The following NUMB variants were observed in gnomAD, a reference collection of about 807,000 sequenced individuals.
NUMB encodes the protein protein numb homolog.
In NUMB, 29 loss-of-function variants were observed where a neutral mutation model predicts 59.7. The ratio of observed to expected loss-of-function variants is 0.49; its 90% CI spans 0.36 to 0.66. The LOEUF (loss-of-function observed/expected upper bound fraction) is 0.66, where lower values mean the gene tolerates loss of function less well. Ranked by LOEUF, NUMB falls within the 30% of genes least tolerant of loss-of-function variation. NUMB has a pLI of 0.00. For synonymous variants in NUMB, 288 were observed against 288.2 expected (o/e 1.00, Z 0.01); for missense variants, 723 against 822.0 (o/e 0.88, Z 1.47).
At chr14:73,352,084 T>C (rs1181807522) in intron 4 of NUMB, among the ~76,000 whole-genome samples, 1 of 152,078 alleles carries the variant, frequency 6.6e-6, no homozygotes, top group Non-Finnish European at 1.5e-5. Flanking sequence ...GAACACACGA[T>C]TTAATGGCTT....
At chr14:73,309,059 C>T (rs1474370560) in intron 6 of NUMB, among the ~76,000 whole-genome samples, 2 of 151,966 alleles carry the variant, frequency 1.3e-5, no homozygotes, top group East Asian at 1.9e-4. Flanking sequence ...AGAAAGAAAA[C>T]TGATTATAGA....
At chr14:73,311,909 G>C (rs1254733989) in intron 6 of NUMB, among the ~76,000 whole-genome samples, 1 of 152,280 alleles carries the variant, frequency 6.6e-6, no homozygotes, top group South Asian at 2.1e-4. Context: ...GATGAATTAA[G>C]TGATGGCAAC....
At chr14:73,339,428 C>A (rs1172336438) in intron 4 of NUMB, among the ~76,000 whole-genome samples, 4 of 152,196 alleles carry the variant, frequency 2.6e-5, no homozygotes, top group African/African-American at 9.7e-5. Flanking sequence ...TTTGTACTTG[C>A]CATTCCTTCT....
chr14:73,455,457 A>G (rs989327192), intron 1 of NUMB, among the ~76,000 whole-genome samples: 9 of 152,252 alleles, frequency 5.9e-5, no homozygotes, highest in African/African-American at 1.9e-4. Flanking sequence ...AGGTTCCTCA[A>G]ACAAGTTAAG....
At chr14:73,278,298 G>A (rs948414575) in intron 12 of NUMB, among the ~76,000 whole-genome samples, 3 of 151,808 alleles carry the variant, frequency 2.0e-5, no homozygotes, top group Non-Finnish European at 2.9e-5. Context: ...AAGGCGGGTG[G>A]ATCACGAGGT....
At chr14:73,326,589 T>C (rs1891674872) in intron 4 of NUMB, among the ~76,000 whole-genome samples, 1 of 151,972 alleles carries the variant, frequency 6.6e-6, no homozygotes, top group Admixed American at 6.6e-5. Flanking sequence ...ATCACCCCAT[T>C]GTACTCCAGC....
At chr14:73,417,967 T>C (rs1316399504) in intron 1 of NUMB, among the ~76,000 whole-genome samples, 2 of 152,118 alleles carry the variant, frequency 1.3e-5, no homozygotes, top group East Asian at 3.9e-4. Flanking sequence ...TAGCCGGGCA[T>C]GGTGGCATGC....
At chr14:73,352,165 T>C (rs1446644981) in intron 4 of NUMB, among the ~76,000 whole-genome samples, 4 of 151,814 alleles carry the variant, frequency 2.6e-5, no homozygotes, top group African/African-American at 7.2e-5. Context: ...CTCAAACAAC[T>C]TTCTGCATTA....
Position 73,279,277 on chromosome 14 carries a change from T to C in NUMB, c.1240+4A>G, listed in dbSNP as rs1213693778. The C allele has an allele frequency of 2.5e-6, 4 of 1,614,148 alleles. No individual in the cohort carries two copies. In the Admixed American group the frequency reaches 6.7e-5, roughly 27 times the overall value. ...ATCCTCAACACCATCTGTGGCCACC[T>C]TACCCGAACATGTGGCTGCAATTTC... On this transcript the variant is annotated splice_donor_region_variant and intron_variant, in intron 12 of 12. Transcript: ENST00000555238.
At chr14:73,429,240 C>T (rs545701416) in intron 1 of NUMB, among the ~76,000 whole-genome samples, 4 of 152,154 alleles carry the variant, frequency 2.6e-5, no homozygotes, top group African/African-American at 4.8e-5. Context: ...GGCGTGGTGG[C>T]GAGCACCTGA....
At chr14:73,350,305 C>T (rs1408924395) in intron 4 of NUMB, among the ~76,000 whole-genome samples, 2 of 151,240 alleles carry the variant, frequency 1.3e-5, no homozygotes, top group African/African-American at 2.4e-5. Context: ...TCCCGAGTAG[C>T]TGGGGTTACA....
At chr14:73,342,137 T>A (rs1566750884) in intron 4 of NUMB, among the ~76,000 whole-genome samples, 1 of 152,234 alleles carries the variant, frequency 6.6e-6, no homozygotes, top group Non-Finnish European at 1.5e-5. Context: ...GCCCAAGTGA[T>A]CCTCCCGCCT....
intron 2 of NUMB, among the ~76,000 whole-genome samples, chr14:73,396,405 T>TG (rs1896141311): frequency 6.6e-6 from 1 of 151,520 alleles, no homozygotes; most frequent in Non-Finnish European, 1.5e-5. Context: ...TGGAGTACAG[T>TG]GGCACAATCA....
At chr14:73,295,124 G>A (rs1889694238) in intron 7 of NUMB, among the ~76,000 whole-genome samples, 1 of 149,562 alleles carries the variant, frequency 6.7e-6, no homozygotes, top group Non-Finnish European at 1.5e-5. Flanking sequence ...TGAGTTGAGA[G>A]GTGGGATAGC....
At chr14:73,398,012 G>A (rs1406392055) in intron 2 of NUMB, among the ~76,000 whole-genome samples, 2 of 152,052 alleles carry the variant, frequency 1.3e-5, no homozygotes, top group East Asian at 1.9e-4. Flanking sequence ...TTTACAAAAC[G>A]AAGCATTAAC....
At chr14:73,349,892 AAAAAC>A (rs1216450718) in intron 4 of NUMB, among the ~76,000 whole-genome samples, 1 of 150,816 alleles carries the variant, frequency 6.6e-6, no homozygotes, top group Non-Finnish European at 1.5e-5. Flanking sequence ...AAAAAAAACA[AAAAAC>A]AAAAAAAACT....
intron 9 of NUMB, chr14:73,285,035 C>T (rs1057410919): frequency 9.9e-5 from 15 of 152,024 alleles, no homozygotes; most frequent in East Asian, 3.9e-4. Context: ...TTAATACACA[C>T]GAGGTTTTAC....
At chr14:73,351,976 AAAAAATAAAATAAAAT>A (rs1306269240) in intron 4 of NUMB, among the ~76,000 whole-genome samples, 177 of 152,156 alleles carry the variant, frequency 1.2e-3, no homozygotes, top group African/African-American at 3.9e-3. Context: ...ACTCTGTCTC[AAAAAATAAAATAAAAT>A]AAAAATAAAA....
intron 8 of NUMB, among the ~76,000 whole-genome samples, chr14:73,292,141 T>C (rs1391702862): frequency 6.6e-6 from 1 of 152,114 alleles, no homozygotes; most frequent in Admixed American, 6.5e-5. Flanking sequence ...GCTCAAGTGT[T>C]CTGCTCGCCT....
Sources: allele counts gnomAD v4.1 joint callset (sites outside exome capture counted in the v4.1 genomes callset), GRCh38; gene constraint gnomAD v4.1.1; transcripts MANE v1.5; gene names NCBI Gene and HGNC (gene_info 2026-07-23, HGNC 2026-07-21).